Variants in CTNS observed in about 807,000 individuals in gnomAD.
The protein encoded by CTNS is cystinosin, lysosomal cystine transporter.
A neutral mutation model predicts 43.7 loss-of-function variants in CTNS; 27 were observed. The ratio of observed to expected loss-of-function variants is 0.62; its 90% CI spans 0.46 to 0.85. The LOEUF is 0.85. Among genes scored for constraint, CTNS ranks in the 40% least tolerant of loss-of-function variants. CTNS has a pLI of 0.00. For missense variants in CTNS, 457 were observed against 475.4 expected (o/e 0.96, Z 0.36); for synonymous variants, 187 against 190.6 (o/e 0.98, Z 0.16).
intron 7 of CTNS, 111 bp downstream of exon 7, chr17:3,655,463 C>T (rs2076106731): frequency 6.7e-7 from 1 of 1,498,976 alleles, no homozygotes; most frequent in African/African-American, 1.4e-5. Flanking sequence ...CTTCTGTCTG[C>T]CTACCCTTTC....
At chr17:3,639,917 A>G (rs899281917) in intron 2 of CTNS, among the ~76,000 whole-genome samples, 3 of 152,170 alleles carry the variant, frequency 2.0e-5, no homozygotes, top group African/African-American at 7.2e-5. Context: ...AAGCAATTGA[A>G]GAGGGAAAAA....
intron 5 of CTNS, 149 bp from the exon 6 acceptor site, chr17:3,654,849 C>T (rs1482304914): frequency 4.1e-6 from 3 of 733,572 alleles, no homozygotes; most frequent in East Asian, 2.6e-5. Context: ...GTGGGCGCAG[C>T]GTCTCTCCTT....
intron 7 of CTNS, chr17:3,655,943 G>A (rs1019252543): frequency 4.6e-5 from 12 of 263,664 alleles, no homozygotes; most frequent in African/African-American, 9.0e-5. Flanking sequence ...GGTGGCATCC[G>A]TGGTGGTAGC....
rs918491325 is a variant in CTNS, at chr17:3,662,829, T to C, written c.*2460T>C. ...GGGGCCATCATTAAAACCACAGCTC[T>C]GGCCCCAATATCCCACCGCCACCCC... On this transcript the variant is annotated 3_prime_UTR_variant, in exon 12 of 12. Transcript: ENST00000046640. 1 of 152,112 alleles carries C rather than the reference T, an allele frequency of 6.6e-6. No homozygotes were observed. The highest frequency in any genetic ancestry group is 1.5e-5 in the Non-Finnish European group (1 of 68,008). 9.4% of individuals were successfully genotyped at this position (152,112 alleles called of 1,614,324 possible). A position where few individuals can be genotyped will look rare whatever the true frequency, so the allele number is the denominator to read the frequency against.
rs1026707220 is a variant in CTNS, at chr17:3,662,483, C to T, written c.*2114C>T. Among the ~76,000 whole-genome samples, 20 of 152,124 alleles carry T rather than the reference C, an allele frequency of 1.3e-4. No homozygotes were observed. The highest frequency in any genetic ancestry group is 5.9e-5 in the Non-Finnish European group (4 of 68,016). On this transcript the variant is annotated 3_prime_UTR_variant, in exon 12 of 12. Transcript: ENST00000046640. Reference sequence around the variant, plus strand: ...CAGCAACACGTGGGGTTGTGTCCCTCGCTGGGATACACGGAGTGCCCTTAT... The same window carrying T: ...CAGCAACACGTGGGGTTGTGTCCCTTGCTGGGATACACGGAGTGCCCTTAT...
At chr17:3,647,911 G>A (rs1378128354) in intron 4 of CTNS, among the ~76,000 whole-genome samples, 1 of 152,212 alleles carries the variant, frequency 6.6e-6, no homozygotes, top group Non-Finnish European at 1.5e-5. Context: ...GCACTTCTGA[G>A]GTTGCTTTCA....
Position 3,661,076 on chromosome 17 carries a change from T to G in CTNS, c.*707T>G. On this transcript the variant is annotated 3_prime_UTR_variant, in exon 12 of 12. Coordinates refer to ENST00000046640, the MANE Select transcript of CTNS (RefSeq NM_004937.3). ...CGTTTGGAAGTGGCTTACTCTCTTC[T>G]GCCCTCTCTCCTACCTCCACCTTCT... 1 of 375,718 alleles carries G rather than the reference T, an allele frequency of 2.7e-6. No homozygotes were observed. 23.3% of individuals were successfully genotyped at this position (375,718 alleles called of 1,614,324 possible).
chr17:3,659,295 C>T (rs954645746), intron 10 of CTNS, among the ~76,000 whole-genome samples: 1 of 152,168 alleles, frequency 6.6e-6, no homozygotes, highest in Admixed American at 6.5e-5. Context: ...CCCGCAGACC[C>T]GCCCCCCCAA....
intron 4 of CTNS, among the ~76,000 whole-genome samples, chr17:3,648,146 T>C (rs1411063127): frequency 3.9e-5 from 6 of 152,200 alleles, no homozygotes; most frequent in African/African-American, 1.4e-4. Context: ...TCCTTCTCTC[T>C]TTATGCCTTT....
rs139453840 is a variant in CTNS, at chr17:3,655,149, C to T, written c.329+48C>T. 333 of 1,613,998 alleles carry T rather than the reference C, an allele frequency of 2.1e-4. No homozygotes were observed. The East Asian group carries it at 5.8e-3, about 28-fold the overall frequency. On this transcript the variant is annotated intron_variant, in intron 6 of 11. Transcript: ENST00000046640. ...GGGCCTCACGTGACAAGAAGGGGGC[C>T]GTGCTGGGCACGTGGGAGTCTCCTT...
chr17:3,658,549 G>A lies in CTNS; in HGVS notation c.852+374G>A, dbSNP rs1006848939. 4.6e-5 allele frequency among the ~76,000 whole-genome samples: 7 copies of A among 152,216 alleles called. No individual in the cohort carries two copies. In the East Asian group the frequency reaches 7.7e-4, roughly 17 times the overall value. On this transcript the variant is annotated intron_variant, in intron 10 of 11. Transcript: ENST00000046640. Reference sequence around the variant, plus strand: ...AGGTGGGAGGAGGGAGCCCCTTCCCGCGCAGAGCTCAGCCCGTCCTATGAG... The same window carrying A: ...AGGTGGGAGGAGGGAGCCCCTTCCCACGCAGAGCTCAGCCCGTCCTATGAG...
At position 3,660,610 on chromosome 17, in the gene CTNS, C is replaced by T. The variant is rs1743040946; in HGVS notation, c.*241C>T. Reference sequence around the variant, plus strand: ...TCGCCTTGACACCGCCATCTCTTTTCTTTAAGGCTTCAGGCAGCGCGCACA... The same window carrying T: ...TCGCCTTGACACCGCCATCTCTTTTTTTTAAGGCTTCAGGCAGCGCGCACA... On this transcript the variant is annotated 3_prime_UTR_variant, in exon 12 of 12. Transcript: ENST00000046640. 1.2e-6 allele frequency: 2 copies of T among 1,613,298 alleles called. No homozygotes were observed. The highest frequency in any genetic ancestry group is 1.7e-6 in the Non-Finnish European group (2 of 1,179,886).
At chr17:3,657,512 T>G in intron 9 of CTNS, 1 of 221,374 alleles carries the variant, frequency 4.5e-6, no homozygotes, top group East Asian at 1.1e-4. Context: ...TAGCTTTTGG[T>G]GTGAAGCGAG....
chr17:3,657,182 T>G (rs533971805), intron 9 of CTNS, among the ~76,000 whole-genome samples: 8 of 147,838 alleles, frequency 5.4e-5, no homozygotes, highest in African/African-American at 2.0e-4. Context: ...GAAGTTCCTA[T>G]GGAGGAGGGG....
At chr17:3,658,227 C>T in intron 10 of CTNS, 52 bp downstream of exon 10, 1 of 1,605,372 alleles carries the variant, frequency 6.2e-7, no homozygotes, top group Non-Finnish European at 8.5e-7. Context: ...GTGAGAGCTA[C>T]ATGGCCCAGG....
rs3826496 is a variant in CTNS, at chr17:3,660,779, A to G, written c.*410A>G. The G allele has an allele frequency of 0.21, 344,321 of 1,611,076 alleles. 37,703 individuals carry two copies. Among genetic ancestry groups the G allele is most frequent in the East Asian group, 0.24 (10,890 of 44,812 alleles). ...AAGGGCACTTTGCTGCCACCGCTGC[A>G]TTCCCAGAGATCAAGCAGCCCGGTG... On this transcript the variant is annotated 3_prime_UTR_variant, in exon 12 of 12. Transcript: ENST00000046640.
rs767995253 is a variant in CTNS, at chr17:3,660,778, C to T, written c.*409C>T. 3.8e-5 allele frequency: 62 copies of T among 1,612,432 alleles called. No homozygotes were observed. The highest frequency in any genetic ancestry group is 1.1e-4 in the East Asian group (5 of 44,880). ...CAAGGGCACTTTGCTGCCACCGCTG[C>T]ATTCCCAGAGATCAAGCAGCCCGGT... On this transcript the variant is annotated 3_prime_UTR_variant, in exon 12 of 12. Coordinates refer to ENST00000046640, the MANE Select transcript of CTNS (RefSeq NM_004937.3).
Position 3,662,503 on chromosome 17 carries a change from CCTTATAGGCAGGGAGT to C in CTNS, c.*2148_*2163del, listed in dbSNP as rs754035926. 2.6e-4 allele frequency among the ~76,000 whole-genome samples: 39 copies of C among 152,164 alleles called. No homozygotes were observed. Among genetic ancestry groups the C allele is most frequent in the Non-Finnish European group, 3.2e-4 (22 of 67,986 alleles). ...TCCCTCGCTGGGATACACGGAGTGC[CCTTATAGGCAGGGAGT>C]CTTATAGGCAGGGGTCTCTCCCAGG... On this transcript the variant is annotated 3_prime_UTR_variant, in exon 12 of 12. Coordinates refer to ENST00000046640, the MANE Select transcript of CTNS (RefSeq NM_004937.3).
At position 3,644,550 on chromosome 17, in the gene CTNS, C is replaced by T. The variant is rs142547392; in HGVS notation, c.62-2894C>T. Among the ~76,000 whole-genome samples the T allele has an allele frequency of 4.7e-4, 71 of 152,328 alleles. No homozygotes were observed. The East Asian group carries it at 0.012, about 26-fold the overall frequency. On this transcript the variant is annotated intron_variant, in intron 3 of 11. Transcript: ENST00000046640. ...CGCAATCTCAGCTCACTGCAGCCCC[C>T]GCTTCCTGGGTTCAAGTGATTCTCT... is the stretch of plus-strand genomic sequence containing the variant.
Sources: allele counts gnomAD v4.1 joint callset (sites outside exome capture counted in the v4.1 genomes callset), GRCh38; gene constraint gnomAD v4.1.1; transcripts MANE v1.5; gene names NCBI Gene and HGNC (gene_info 2026-07-23, HGNC 2026-07-21).